Variants in FRZB observed in about 807,000 individuals in gnomAD.
The protein encoded by FRZB is frizzled related protein.
In FRZB, 34 loss-of-function variants were observed where a neutral mutation model predicts 32.5. The ratio of observed to expected loss-of-function variants is 1.05; its 90% CI spans 0.80 to 1.39. The LOEUF (loss-of-function observed/expected upper bound fraction) is 1.39. Among genes scored for constraint, FRZB ranks in the 40% most tolerant of loss-of-function variants. The pLI is 0.00. For missense variants in FRZB, 423 were observed against 424.8 expected, an observed-to-expected ratio of 1.00 and a Z score of 0.04; for synonymous variants, 170 against 159.2, an observed-to-expected ratio of 1.07 and a Z score of -0.51.
chr2:182,838,658 T>A, intron 3 of FRZB, 45 bp from the exon 4 acceptor site: 1 of 1,509,736 alleles, frequency 6.6e-7, no homozygotes, highest in Non-Finnish European at 9.1e-7. Flanking sequence ...TGACACATAA[T>A]AGCTACCCCA....
intron 1 of FRZB, among the ~76,000 whole-genome samples, chr2:182,865,030 C>G (rs1445857487): frequency 6.6e-6 from 1 of 152,096 alleles, no homozygotes; most frequent in Non-Finnish European, 1.5e-5. Context: ...TAGTTGGGGT[C>G]TTAAAGTTAC....
chr2:182,862,276 T>C (rs1457945048), intron 1 of FRZB, among the ~76,000 whole-genome samples: 1 of 152,208 alleles, frequency 6.6e-6, no homozygotes, highest in African/African-American at 2.4e-5. Context: ...AAGCCAGCAC[T>C]GACTGAGGAA....
chr2:182,848,968 C>G (rs1695679125), intron 2 of FRZB, among the ~76,000 whole-genome samples: 1 of 152,150 alleles, frequency 6.6e-6, no homozygotes, highest in African/African-American at 2.4e-5. Context: ...TGGCTCACGT[C>G]TGTAATCCCA....
At chr2:182,836,505 C>T (rs1244279678) in intron 5 of FRZB, among the ~76,000 whole-genome samples, 1 of 151,950 alleles carries the variant, frequency 6.6e-6, no homozygotes, top group African/African-American at 2.4e-5. Context: ...CTGCAAGTCC[C>T]CTGCGGAAAA....
chr2:182,842,587 T>C (rs1215450410), intron 2 of FRZB, 44 bp from the exon 3 acceptor site: 3 of 1,488,348 alleles, frequency 2.0e-6, no homozygotes, highest in African/African-American at 2.8e-5. Flanking sequence ...CAATATTAGC[T>C]TTCTTTTGTT....
Position 182,866,569 on chromosome 2 carries a change from G to A in FRZB, c.-17C>T. ...GCAGACCATGATCCCGGCAGGATGGGGCAGGGTGCAGCCGCGCAGTGGACG... is the reference window on the plus strand; with the variant it reads ...GCAGACCATGATCCCGGCAGGATGGAGCAGGGTGCAGCCGCGCAGTGGACG... On this transcript the variant is annotated 5_prime_UTR_variant, in exon 1 of 6. Transcript: ENST00000295113. This position sits in a 1 kb window ranked among gnomAD's most constrained non-coding sequence, Gnocchi z 4.5. The A allele has an allele frequency of 7.0e-7, 1 of 1,434,728 alleles. No individual in the cohort carries two copies. Among genetic ancestry groups the A allele is most frequent in the Non-Finnish European group, 9.1e-7 (1 of 1,096,138 alleles). The allele number at this position is 1,434,728 out of a possible 1,614,324, so 88.9% of individuals were successfully genotyped here. A position where few individuals can be genotyped will look rare whatever the true frequency, so the allele number is the denominator to read the frequency against.
Position 182,866,620 on chromosome 2 carries a change from G to A in FRZB, c.-68C>T. On this transcript the variant is annotated 5_prime_UTR_variant, in exon 1 of 6. Transcript: ENST00000295113. This position sits in a 1 kb window ranked among gnomAD's most constrained non-coding sequence, Gnocchi z 4.5. ...CCAAAAGGCCCGCTCCGCCGTCTCC[G>A]CCTCCCCCGCTGCAAGTGGACACAA... The A allele has an allele frequency of 4.5e-6, 5 of 1,122,024 alleles. No individual in the cohort carries two copies. The highest frequency in any genetic ancestry group is 6.1e-6 in the Non-Finnish European group (5 of 825,332). 69.5% of individuals were successfully genotyped at this position (1,122,024 alleles called of 1,614,324 possible).
chr2:182,840,114 A>G (rs534818914), intron 3 of FRZB, among the ~76,000 whole-genome samples: 1 of 152,094 alleles, frequency 6.6e-6, no homozygotes. Context: ...ACGTGTAGCA[A>G]ACAAACTGTA....
At chr2:182,846,378 C>T (rs1394767390) in intron 2 of FRZB, among the ~76,000 whole-genome samples, 1 of 152,146 alleles carries the variant, frequency 6.6e-6, no homozygotes, top group Non-Finnish European at 1.5e-5. Flanking sequence ...CTCTCATAAC[C>T]TTTCATGTAC....
At chr2:182,862,623 C>T (rs892574117) in intron 1 of FRZB, among the ~76,000 whole-genome samples, 1 of 152,182 alleles carries the variant, frequency 6.6e-6, no homozygotes, top group East Asian at 1.9e-4. Flanking sequence ...TCTGCATTTA[C>T]CAACATAACC....
chr2:182,855,723 T>C (rs1695761005), intron 2 of FRZB, among the ~76,000 whole-genome samples: 2 of 152,152 alleles, frequency 1.3e-5, no homozygotes, highest in Non-Finnish European at 2.9e-5. Flanking sequence ...AAAGCAAGTA[T>C]TTGAAGAAAT....
chr2:182,865,796 G>T (rs147735324), intron 1 of FRZB, among the ~76,000 whole-genome samples: 1 of 152,266 alleles, frequency 6.6e-6, no homozygotes, highest in East Asian at 1.9e-4. Flanking sequence ...TGGAGTAGAA[G>T]TGTGATGGGT....
intron 5 of FRZB, among the ~76,000 whole-genome samples, chr2:182,837,441 T>TA (rs992368764): frequency 3.3e-5 from 5 of 151,980 alleles, no homozygotes; most frequent in Non-Finnish European, 7.4e-5. Flanking sequence ...AAAGAAGCAA[T>TA]ATCCCCAGGT....
intron 3 of FRZB, among the ~76,000 whole-genome samples, chr2:182,839,857 A>G (rs1574982477): frequency 6.6e-6 from 1 of 152,184 alleles, no homozygotes; most frequent in East Asian, 1.9e-4. Flanking sequence ...TAGGCACATA[A>G]TTGCAAACCA....
chr2:182,845,609 G>A (rs1354908452), intron 2 of FRZB, among the ~76,000 whole-genome samples: 1 of 152,156 alleles, frequency 6.6e-6, no homozygotes, highest in Non-Finnish European at 1.5e-5. Context: ...TGACAAAATA[G>A]GCTAAGTAGT....
At chr2:182,855,622 G>A (rs977995406) in intron 2 of FRZB, among the ~76,000 whole-genome samples, 1 of 152,084 alleles carries the variant, frequency 6.6e-6, no homozygotes, top group Non-Finnish European at 1.5e-5. Context: ...AAAAAGATTA[G>A]GAGAAAAAAT....
At chr2:182,835,133 T>G (rs1023807000) in intron 5 of FRZB, among the ~76,000 whole-genome samples, 168 bp from the exon 6 acceptor site, 1 of 152,154 alleles carries the variant, frequency 6.6e-6, no homozygotes, top group Admixed American at 6.6e-5. Context: ...TGATGCAATA[T>G]GAACATTATT....
At chr2:182,836,319 T>C (rs908814287) in intron 5 of FRZB, among the ~76,000 whole-genome samples, 16 of 152,172 alleles carry the variant, frequency 1.1e-4, no homozygotes, top group Middle Eastern at 3.4e-3. Flanking sequence ...CATCTTCAAA[T>C]TGACTGGAAA....
intron 2 of FRZB, among the ~76,000 whole-genome samples, chr2:182,856,099 T>C (rs948959814): frequency 4.6e-5 from 7 of 151,880 alleles, no homozygotes; most frequent in African/African-American, 1.5e-4. Context: ...AAAAGAAGTT[T>C]TTGCCAGCAG....
Sources: gnomAD v4.1 joint callset for allele counts (sites outside exome capture counted in the v4.1 genomes callset) on GRCh38, gnomAD v4.1.1 for gene constraint, Gnocchi (gnomAD v3.1) non-coding constraint, MANE v1.5 for transcripts, NCBI Gene and HGNC (gene_info 2026-07-23, HGNC 2026-07-21) for gene names.